Variants in POLR3B observed in about 807,000 individuals in gnomAD.
POLR3B encodes the protein RNA polymerase III subunit B.
A neutral mutation model predicts 147.4 loss-of-function variants in POLR3B; 96 were observed. The observed-to-expected ratio is 0.65, with a 90% CI of 0.55 to 0.77. The LOEUF (loss-of-function observed/expected upper bound fraction) is 0.77. Ranked by LOEUF, POLR3B falls within the 30% of genes least tolerant of loss-of-function variation. The pLI is 0.00. For missense variants in POLR3B, 1,036 were observed against 1,413.5 expected (o/e 0.73, Z 4.28); for synonymous variants, 461 against 485.9 (o/e 0.95, Z 0.67).
chr12:106,467,179 G>A (rs1387542244), intron 23 of POLR3B, among the ~76,000 whole-genome samples: 1 of 152,124 alleles, frequency 6.6e-6, no homozygotes, highest in Non-Finnish European at 1.5e-5. Flanking sequence ...TCCCTTGTAA[G>A]TTGGATTCCT....
At position 106,447,620 on chromosome 12, in the gene POLR3B, T is replaced by C. The variant is rs558324719; in HGVS notation, c.2083+3030T>C. Among the ~76,000 whole-genome samples, 14 of 152,338 alleles carry C rather than the reference T, an allele frequency of 9.2e-5. No individual in the cohort carries two copies. In the South Asian group the frequency reaches 2.9e-3, roughly 32 times the overall value. ...TGTTGGAGCCGCATTTTGTGTCCTC[T>C]CATCGGCACCCGATGCCAAGTTCAC... On this transcript the variant is annotated intron_variant, in intron 19 of 27. Transcript: ENST00000228347.
chr12:106,410,025 T>C (rs1393606420), intron 11 of POLR3B, among the ~76,000 whole-genome samples: 1 of 152,254 alleles, frequency 6.6e-6, no homozygotes, highest in Non-Finnish European at 1.5e-5. Flanking sequence ...GAACATTTGC[T>C]ACAAATTCAT....
intron 7 of POLR3B, among the ~76,000 whole-genome samples, chr12:106,376,657 A>T (rs1280842796): frequency 2.8e-5 from 4 of 140,944 alleles, no homozygotes; most frequent in Non-Finnish European, 4.5e-5. Flanking sequence ...TCACTCTGTC[A>T]TCTAAGCTGG....
chr12:106,500,475 G>T (rs1418716360), intron 25 of POLR3B, among the ~76,000 whole-genome samples: 1 of 152,090 alleles, frequency 6.6e-6, no homozygotes, highest in Non-Finnish European at 1.5e-5. Context: ...GGGAAGACAG[G>T]CAATAATCCG....
At chr12:106,463,761 T>G in intron 23 of POLR3B, 141 bp downstream of exon 23, 1 of 734,184 alleles carries the variant, frequency 1.4e-6, no homozygotes, top group Non-Finnish European at 2.3e-6. Flanking sequence ...GTTTTATTTC[T>G]TAGATTAACC....
chr12:106,426,808 C>T (rs1250005952), intron 12 of POLR3B, among the ~76,000 whole-genome samples: 1 of 138,752 alleles, frequency 7.2e-6, no homozygotes, highest in Non-Finnish European at 1.5e-5. Flanking sequence ...TGGATATCTT[C>T]AGAGTTTATA....
intron 9 of POLR3B, among the ~76,000 whole-genome samples, chr12:106,388,379 G>A (rs566446062): frequency 9.9e-5 from 15 of 151,662 alleles, no homozygotes; most frequent in South Asian, 2.1e-4. Context: ...GTGCAGTGGC[G>A]CGATCTCAGC....
At chr12:106,465,295 A>T (rs1324333602) in intron 23 of POLR3B, among the ~76,000 whole-genome samples, 2 of 152,138 alleles carry the variant, frequency 1.3e-5, no homozygotes, top group African/African-American at 2.4e-5. Context: ...TAAAATATTG[A>T]CACTGGAAGC....
intron 21 of POLR3B, among the ~76,000 whole-genome samples, chr12:106,457,582 G>A (rs2037880708): frequency 6.6e-6 from 1 of 152,176 alleles, no homozygotes; most frequent in African/African-American, 2.4e-5. Flanking sequence ...TTATGTCCCT[G>A]CATCTGCACT....
At chr12:106,403,149 G>A (rs554130942) in intron 10 of POLR3B, among the ~76,000 whole-genome samples, 1 of 152,074 alleles carries the variant, frequency 6.6e-6, no homozygotes, top group South Asian at 2.1e-4. Context: ...AGTGGGCAAA[G>A]GATATGAACC....
intron 6 of POLR3B, among the ~76,000 whole-genome samples, chr12:106,374,337 C>G (rs1413153963): frequency 6.6e-6 from 1 of 152,108 alleles, no homozygotes; most frequent in Non-Finnish European, 1.5e-5. Context: ...CCACCTCCAG[C>G]CTCCCTGGTA....
At chr12:106,442,794 C>T (rs965373161) in intron 18 of POLR3B, among the ~76,000 whole-genome samples, 2 of 152,048 alleles carry the variant, frequency 1.3e-5, no homozygotes, top group Non-Finnish European at 2.9e-5. Context: ...GGAAAAATAG[C>T]GGGTCCACAG....
intron 1 of POLR3B, among the ~76,000 whole-genome samples, chr12:106,359,564 T>C (rs2036437528): frequency 6.6e-6 from 1 of 151,998 alleles, no homozygotes; most frequent in South Asian, 2.1e-4. Context: ...ACTCCTGACC[T>C]CGTGATCCAC....
intron 9 of POLR3B, 128 bp from the exon 10 acceptor site, chr12:106,392,903 C>A: frequency 8.5e-7 from 1 of 1,173,730 alleles, no homozygotes; most frequent in Non-Finnish European, 1.2e-6. Context: ...CCAGATGGCA[C>A]CATTTCTGAG....
intron 27 of POLR3B, among the ~76,000 whole-genome samples, chr12:106,508,398 A>G (rs1592786326): frequency 6.6e-6 from 1 of 152,090 alleles, no homozygotes; most frequent in African/African-American, 2.4e-5. Context: ...CCTGGTCAGC[A>G]CCCGATCTTC....
At chr12:106,499,975 A>G (rs767516731) in intron 25 of POLR3B, 9 of 400,642 alleles carry the variant, frequency 2.2e-5, no homozygotes, top group Non-Finnish European at 3.5e-5. Flanking sequence ...CTTTTACATC[A>G]TGCTGTACCC....
intron 23 of POLR3B, among the ~76,000 whole-genome samples, chr12:106,464,685 A>G (rs760598807): frequency 1.2e-4 from 18 of 152,200 alleles, no homozygotes; most frequent in Non-Finnish European, 1.9e-4. Flanking sequence ...TATCACTTCT[A>G]CTTTTCTACC....
At chr12:106,408,837 A>T (rs7306326) in intron 11 of POLR3B, among the ~76,000 whole-genome samples, 1 of 151,976 alleles carries the variant, frequency 6.6e-6, no homozygotes, top group Non-Finnish European at 1.5e-5. Context: ...CTGGAAAAAT[A>T]TGCTAAGTAT....
At chr12:106,367,342 A>G (rs1565873529) in intron 4 of POLR3B, among the ~76,000 whole-genome samples, 1 of 152,232 alleles carries the variant, frequency 6.6e-6, no homozygotes. Flanking sequence ...AACATCTTAC[A>G]TAACCATAGC....
Sources: gnomAD v4.1 joint callset for allele counts (sites outside exome capture counted in the v4.1 genomes callset) on GRCh38, gnomAD v4.1.1 for gene constraint, MANE v1.5 for transcripts, NCBI Gene and HGNC (gene_info 2026-07-23, HGNC 2026-07-21) for gene names.